C4orf50: variants seen among roughly 807,000 people sequenced by gnomAD.
C4orf50 encodes the protein uncharacterized protein C4orf50.
Under a neutral mutation model 77.2 loss-of-function variants are expected in C4orf50, and 80 were observed. That is an observed-to-expected ratio of 1.04 (90% CI 0.87 to 1.25). The LOEUF is 1.25. C4orf50 is among the 50% of genes most tolerant of loss of function. The pLI is 0.00. For missense variants in C4orf50, 1,257 were observed against 1,152.9 expected (o/e 1.09, Z -1.31); for synonymous variants, 532 against 465.3 (o/e 1.14, Z -1.84).
Position 5,937,347 on chromosome 4 carries a change from G to A in C4orf50, c.*2474+19554C>T, listed in dbSNP as rs78541442. Among the ~76,000 whole-genome samples the A allele has an allele frequency of 3.4e-4, 52 of 152,222 alleles. No homozygotes were observed. In the East Asian group the frequency reaches 8.3e-3, roughly 24 times the overall value. On this transcript the variant is annotated intron_variant, in intron 7 of 7. Coordinates refer to the C4orf50 transcript ENST00000324058. ...CTCTGTGCGTGAGGAAGTTAGAGATGCCAAGCCAAGAATGCACTTTGAAAC... is the reference window on the plus strand; with the variant it reads ...CTCTGTGCGTGAGGAAGTTAGAGATACCAAGCCAAGAATGCACTTTGAAAC...
chr4:5,931,143 G>A (rs28523985), intron 7 of C4orf50, among the ~76,000 whole-genome samples: 3 of 152,062 alleles, frequency 2.0e-5, no homozygotes, highest in Admixed American at 6.5e-5. Flanking sequence ...AAAGGAACTC[G>A]CCAAGACTGG....
At chr4:5,984,439 T>G (rs948826658) in intron 28 of C4orf50, among the ~76,000 whole-genome samples, 13 of 152,134 alleles carry the variant, frequency 8.5e-5, no homozygotes, top group African/African-American at 1.2e-4. Context: ...TCAAAATAAT[T>G]ATGATCTATG....
intron 33 of C4orf50, among the ~76,000 whole-genome samples, chr4:5,960,086 G>A (rs1263784846): frequency 1.3e-5 from 2 of 152,162 alleles, no homozygotes; most frequent in Non-Finnish European, 2.9e-5. Flanking sequence ...CTTAGTTCCT[G>A]CAACAAGCTA....
At chr4:5,975,148 A>AC (rs1403491835) in intron 30 of C4orf50, among the ~76,000 whole-genome samples, 11 of 33,852 alleles carry the variant, frequency 3.2e-4, no homozygotes, top group African/African-American at 1.3e-3. Context: ...TCAAAAAAAA[A>AC]AAAAAAAAAA....
chr4:5,939,957 G>A (rs1718192357), intron 7 of C4orf50, among the ~76,000 whole-genome samples: 3 of 152,196 alleles, frequency 2.0e-5, no homozygotes, highest in African/African-American at 2.4e-5. Context: ...ACTTTTTGAT[G>A]TCAGACGGCT....
At chr4:5,962,845 G>A (rs1201033572) in intron 33 of C4orf50, among the ~76,000 whole-genome samples, 5 of 152,220 alleles carry the variant, frequency 3.3e-5, no homozygotes, top group South Asian at 2.1e-4. Context: ...TATCACTGTC[G>A]TCATTATCCT....
rs1721367197 is a variant in C4orf50, at chr4:5,992,838, G to T, written c.1186C>A (p.Leu396Ile). The change falls in exon 27 of 34, where the codon CTC (leucine) becomes ATC (isoleucine). Residue 396 changes from leucine to isoleucine, a missense_variant. Physicochemically the swap from Leu to Ile is conservative, Grantham distance 5. Transcript: ENST00000531445. This position sits in a 1 kb window ranked among gnomAD's most constrained non-coding sequence, Gnocchi z 5.0. Reference sequence around the variant, plus strand: ...TTGGATCCGGCCAGGTCTCTGGGGAGCTCGCTTGTGGTCTCCGGGCCTGGA... The same window carrying T: ...TTGGATCCGGCCAGGTCTCTGGGGATCTCGCTTGTGGTCTCCGGGCCTGGA... 5.0e-6 allele frequency: 2 copies of T among 399,004 alleles called. No individual in the cohort carries two copies. The highest frequency in any genetic ancestry group is 8.8e-6 in the Non-Finnish European group (2 of 226,156). The allele number at this position is 399,004 out of a possible 1,614,324, so 24.7% of individuals were successfully genotyped here.
rs531132001 is a variant in C4orf50, at chr4:5,992,692, G to A, written c.1221+111C>T. 2.3e-5 allele frequency: 9 copies of A among 397,646 alleles called. No individual in the cohort carries two copies. In the South Asian group the frequency reaches 1.2e-3, roughly 55 times the overall value. 24.6% of individuals were successfully genotyped at this position (397,646 alleles called of 1,614,324 possible). ...ACTTCCAGAATGTTCTCCCAGACCT[G>A]GAGCTTCTTTACCCCTCCCACATCC... is the stretch of plus-strand genomic sequence containing the variant. On this transcript the variant is annotated intron_variant, in intron 27 of 33. Transcript: ENST00000531445. This position sits in a 1 kb window ranked among gnomAD's most constrained non-coding sequence, Gnocchi z 5.0.
At chr4:5,988,360 C>T (rs1720995329) in exon 28 of C4orf50, 2 of 1,613,872 alleles carry the variant, frequency 1.2e-6, no homozygotes, top group Admixed American at 3.3e-5. Context: ...GGGGCCATTG[C>T]TCAGGGAGCT....
downstream of C4orf50, among the ~76,000 whole-genome samples, chr4:5,952,583 C>T (rs576717075): frequency 1.3e-5 from 2 of 152,358 alleles, no homozygotes; most frequent in South Asian, 4.1e-4. The surrounding 1 kb of genome is among the most constrained non-coding windows in gnomAD (Gnocchi z 4.4). Flanking sequence ...CCTCCATCTA[C>T]TCCACCCACC....
chr4:5,980,424 C>T, intron 28 of C4orf50, 86 bp from the exon 7 acceptor site: 1 of 1,246,540 alleles, frequency 8.0e-7, no homozygotes, highest in Non-Finnish European at 1.1e-6. Context: ...CGTTTCCCCA[C>T]TCCGTAGTTT....
chr4:5,942,197 C>T (rs1718296676), intron 7 of C4orf50, among the ~76,000 whole-genome samples: 1 of 152,122 alleles, frequency 6.6e-6, no homozygotes, highest in Non-Finnish European at 1.5e-5. Context: ...ATACACAACC[C>T]CAGGTAGCAG....
At chr4:5,934,335 C>T (rs2108746875) in intron 7 of C4orf50, among the ~76,000 whole-genome samples, 2 of 152,318 alleles carry the variant, frequency 1.3e-5, no homozygotes, top group South Asian at 4.1e-4. Context: ...GCATTGCCTG[C>T]AGATTCCTCT....
intron 7 of C4orf50, among the ~76,000 whole-genome samples, chr4:5,943,581 T>A (rs141077457): frequency 1.3e-5 from 2 of 152,326 alleles, no homozygotes; most frequent in South Asian, 4.1e-4. Context: ...GTATCCTCTT[T>A]CTTGTTCCTC....
chr4:5,987,276 C>T lies in C4orf50; in HGVS notation c.3699+1071G>A, dbSNP rs541213752. Among the ~76,000 whole-genome samples the T allele has an allele frequency of 7.9e-5, 12 of 151,498 alleles. No individual in the cohort carries two copies. In the East Asian group the frequency reaches 2.0e-3, roughly 25 times the overall value. On this transcript the variant is annotated intron_variant, in intron 28 of 33. Transcript: ENST00000531445. ...AATACAAAAAACTAGCCGGGCATGG[C>T]GGCATGTGCCTGTGGCCCCAGCTAC...
At chr4:5,940,278 T>C (rs1718204824) in intron 7 of C4orf50, among the ~76,000 whole-genome samples, 1 of 152,222 alleles carries the variant, frequency 6.6e-6, no homozygotes, top group African/African-American at 2.4e-5. Context: ...ATGAACCTCA[T>C]CATTCAGTTG....
At chr4:5,950,932 G>A (rs1334721996) in intron 7 of C4orf50, among the ~76,000 whole-genome samples, 2 of 152,216 alleles carry the variant, frequency 1.3e-5, no homozygotes, top group African/African-American at 4.8e-5. Flanking sequence ...ACGGCATTAA[G>A]GCAGTGACAA....
At chr4:6,013,626 T>G (rs1722568488) in intron 23 of C4orf50, among the ~76,000 whole-genome samples, 1 of 152,098 alleles carries the variant, frequency 6.6e-6, no homozygotes, top group Non-Finnish European at 1.5e-5. Flanking sequence ...CACCTGCTGG[T>G]CTCTAAGACC....
intron 7 of C4orf50, among the ~76,000 whole-genome samples, chr4:5,909,695 T>C (rs912474922): frequency 6.6e-6 from 1 of 152,242 alleles, no homozygotes. Flanking sequence ...TGGTGAGAGA[T>C]AGGGGTCTAG....
Sources: gnomAD v4.1 joint callset for allele counts (sites outside exome capture counted in the v4.1 genomes callset) on GRCh38, gnomAD v4.1.1 for gene constraint, Gnocchi (gnomAD v3.1) non-coding constraint, MANE v1.5 for transcripts, NCBI Gene and HGNC (gene_info 2026-07-23, HGNC 2026-07-21) for gene names.